Variants in ARHGAP39 observed in about 807,000 individuals in gnomAD.
The protein encoded by ARHGAP39 is rho GTPase-activating protein 39.
A neutral mutation model predicts 106.9 loss-of-function variants in ARHGAP39; 44 were observed. That is an observed-to-expected ratio of 0.41 (90% CI 0.32 to 0.53). The LOEUF is 0.53. ARHGAP39 is among the 20% of genes least tolerant of loss of function. The probability of loss-of-function intolerance (pLI) is 0.21; values close to 1 mark genes in which losing one functional copy is unlikely to be tolerated. For synonymous variants in ARHGAP39, 768 were observed against 693.2 expected (o/e 1.11, Z -1.69); for missense variants, 1,496 against 1,577.3 (o/e 0.95, Z 0.87).
chr8:144,672,309 C>T (rs182412206), intron 1 of ARHGAP39, among the ~76,000 whole-genome samples: 16 of 152,278 alleles, frequency 1.1e-4, no homozygotes, highest in East Asian at 9.6e-4. Context: ...TCTGTGATCC[C>T]AGGGAATGCT....
chr8:144,626,582 C>T (rs562675662), intron 1 of ARHGAP39, among the ~76,000 whole-genome samples: 10 of 142,630 alleles, frequency 7.0e-5, no homozygotes, highest in African/African-American at 2.4e-4. Context: ...CTGCACACTG[C>T]GGCATCCCCT....
At chr8:144,580,422 T>A (rs1028186778) in intron 3 of ARHGAP39, among the ~76,000 whole-genome samples, 4 of 152,178 alleles carry the variant, frequency 2.6e-5, no homozygotes, top group Non-Finnish European at 4.4e-5. Context: ...AGGGGCAGGG[T>A]TGGAGGACCC....
chr8:144,658,057 A>G (rs1821739714), intron 1 of ARHGAP39, among the ~76,000 whole-genome samples: 1 of 152,228 alleles, frequency 6.6e-6, no homozygotes, highest in Admixed American at 6.5e-5. Context: ...GGGATGATTT[A>G]AAGTACACAG....
chr8:144,657,371 G>T (rs1821723677), intron 1 of ARHGAP39, among the ~76,000 whole-genome samples: 1 of 152,144 alleles, frequency 6.6e-6, no homozygotes, highest in South Asian at 2.1e-4. Context: ...GAGGCAGGAG[G>T]ATAGCTTGAG....
At chr8:144,570,357 G>A (rs911514427) in intron 3 of ARHGAP39, among the ~76,000 whole-genome samples, 1 of 152,204 alleles carries the variant, frequency 6.6e-6, no homozygotes, top group Non-Finnish European at 1.5e-5. Context: ...AAAGACGGGT[G>A]TTTGGACTAG....
intron 1 of ARHGAP39, among the ~76,000 whole-genome samples, chr8:144,663,347 C>G (rs369024632): frequency 6.6e-6 from 1 of 152,168 alleles, no homozygotes; most frequent in East Asian, 1.9e-4. Context: ...CCTTCCATTC[C>G]TGGCAGACAG....
In ARHGAP39 at chr8:144,548,123, C is replaced by G. The variant is rs375078325; in HGVS notation, c.963G>C (p.Gln321His). The G allele has an allele frequency of 6.3e-7, 1 of 1,580,934 alleles. No homozygotes were observed. The highest frequency in any genetic ancestry group is 8.6e-7 in the Non-Finnish European group (1 of 1,163,542). ...TGGGGGGCTCATCGTAGATGGGGGC[C>G]TGGTACTCCACTGGGGGCTCCTCGT... ...PLYEEPPVEY[Q>H]APIYDEPPMD... The change falls in exon 5 of 12, where the codon CAG (glutamine) becomes CAC (histidine). Residue 321 changes from glutamine to histidine, a missense_variant. Physicochemically the swap from Gln to His is conservative, Grantham distance 24. Coordinates refer to ENST00000377307, the MANE Select transcript of ARHGAP39 (RefSeq NM_025251.3). This position sits in a 1 kb window ranked among gnomAD's most constrained non-coding sequence, Gnocchi z 7.4.
chr8:144,534,237 G>C (rs534700114), intron 7 of ARHGAP39, 35 bp from the exon 8 acceptor site: 1 of 1,607,008 alleles, frequency 6.2e-7, no homozygotes, highest in East Asian at 2.2e-5. Context: ...GCCTGATGTG[G>C]GTGTGTGGGT....
chr8:144,560,011 A>C (rs2130865305), intron 3 of ARHGAP39, among the ~76,000 whole-genome samples: 1 of 152,384 alleles, frequency 6.6e-6, no homozygotes, highest in South Asian at 2.1e-4. Context: ...CCTGTGGTAG[A>C]CAGCACTAAT....
In ARHGAP39 at chr8:144,646,243, G is replaced by T. The variant is rs1477437289; in HGVS notation, c.-82+39443C>A. 6.6e-6 allele frequency among the ~76,000 whole-genome samples: 1 copy of T among 152,216 alleles called. No individual in the cohort carries two copies. The highest frequency in any genetic ancestry group is 2.4e-5 in the African/African-American group (1 of 41,466). ...AACCGCAAACGTGTTCAACAGGGAA[G>T]AGCACGTATGGACCAGGCCAACAGG... On this transcript the variant is annotated intron_variant, in intron 1 of 11. Coordinates refer to ENST00000377307, the MANE Select transcript of ARHGAP39 (RefSeq NM_025251.3). The surrounding 1 kb of genome is among the most constrained non-coding windows in gnomAD (Gnocchi z 5.7).
rs906869481 is a variant in ARHGAP39 at position 144,671,454 on chromosome 8, T to C, written c.-82+14232A>G. Among the ~76,000 whole-genome samples, 9 of 152,290 alleles carry C rather than the reference T, an allele frequency of 5.9e-5. No individual in the cohort carries two copies. The South Asian group carries it at 6.2e-4, about 11-fold the overall frequency. ...GGGCTCAAGCTGAGAAGTGCTCCCCTTCAGGAGACAGTGTCACTCTACACG... is the reference window on the plus strand; with the variant it reads ...GGGCTCAAGCTGAGAAGTGCTCCCCCTCAGGAGACAGTGTCACTCTACACG... On this transcript the variant is annotated intron_variant, in intron 1 of 11. Coordinates refer to ENST00000377307, the MANE Select transcript of ARHGAP39 (RefSeq NM_025251.3). This position sits in a 1 kb window ranked among gnomAD's most constrained non-coding sequence, Gnocchi z 4.5.
chr8:144,539,583 T>G (rs1817109200), intron 6 of ARHGAP39, among the ~76,000 whole-genome samples: 1 of 152,280 alleles, frequency 6.6e-6, no homozygotes, highest in Non-Finnish European at 1.5e-5. Context: ...TTATTTTTTG[T>G]GTACACTTCA....
chr8:144,636,517 C>T (rs1821176214), intron 1 of ARHGAP39, among the ~76,000 whole-genome samples: 1 of 152,192 alleles, frequency 6.6e-6, no homozygotes, highest in Admixed American at 6.5e-5. Flanking sequence ...ATCCTCCCTG[C>T]GATGCAGGCG....
intron 1 of ARHGAP39, among the ~76,000 whole-genome samples, chr8:144,629,913 T>C (rs749138288): frequency 1.8e-4 from 28 of 151,960 alleles, no homozygotes; most frequent in Non-Finnish European, 3.1e-4. Context: ...CTCCCAACTG[T>C]GAGTCCAGGT....
rs1357468400 is a variant in ARHGAP39, at chr8:144,685,697, G to T, written c.-93C>A. The stretch of plus-strand genomic sequence containing the variant: ...GCCCGCGCTCTCACCGGCCGGCTGC[G>T]CGCGGGCCGCGCCGCCACAGTCCCT... On this transcript the variant is annotated 5_prime_UTR_variant, in exon 1 of 12. Coordinates refer to ENST00000377307, the MANE Select transcript of ARHGAP39 (RefSeq NM_025251.3). Among the ~76,000 whole-genome samples the T allele has an allele frequency of 1.4e-5, 2 of 147,632 alleles. No homozygotes were observed. Among genetic ancestry groups the T allele is most frequent in the Non-Finnish European group, 3.0e-5 (2 of 66,174 alleles).
chr8:144,606,629 A>C (rs948492236), intron 1 of ARHGAP39, among the ~76,000 whole-genome samples: 1 of 152,078 alleles, frequency 6.6e-6, no homozygotes, highest in African/African-American at 2.4e-5. Context: ...GAGGAGGAGG[A>C]GGTGACGGTG....
At chr8:144,681,329 G>C (rs563918252) in intron 1 of ARHGAP39, among the ~76,000 whole-genome samples, 62 of 152,188 alleles carry the variant, frequency 4.1e-4, no homozygotes, top group Admixed American at 6.5e-4. Context: ...CTCTGCGAGG[G>C]AGTCTGTCCA....
At chr8:144,532,087 T>C (rs2130814258) in intron 10 of ARHGAP39, among the ~76,000 whole-genome samples, 1 of 150,274 alleles carries the variant, frequency 6.7e-6, no homozygotes, top group African/African-American at 2.5e-5. Flanking sequence ...GAGCAGCAGG[T>C]GGGGAGTGGG....
chr8:144,616,148 G>A (rs970514906), intron 1 of ARHGAP39, among the ~76,000 whole-genome samples: 1 of 152,240 alleles, frequency 6.6e-6, no homozygotes, highest in African/African-American at 2.4e-5. Flanking sequence ...TTGGCCCTGG[G>A]GCTGGCATTA....
Sources: gnomAD v4.1 joint callset for allele counts (sites outside exome capture counted in the v4.1 genomes callset) on GRCh38, gnomAD v4.1.1 for gene constraint, Gnocchi (gnomAD v3.1) non-coding constraint, MANE v1.5 for transcripts, NCBI Gene and HGNC (gene_info 2026-07-23, HGNC 2026-07-21) for gene names.